The following LBH variants were observed in gnomAD, a reference collection of about 807,000 sequenced individuals.
LBH encodes protein LBH.
LBH carries 7 observed loss-of-function variants against 12.5 expected under a neutral mutation model. The observed-to-expected ratio is 0.56, with a 90% CI of 0.32 to 1.05. The LOEUF is 1.05. LBH is among the 50% of genes least tolerant of loss of function. The pLI is 0.04. For missense variants in LBH, 119 were observed against 138.9 expected, an observed-to-expected ratio of 0.86 and a Z score of 0.72; for synonymous variants, 51 against 50.1, an observed-to-expected ratio of 1.02 and a Z score of -0.08.
At chr2:30,246,847 C>T (rs773290641) in intron 2 of LBH, among the ~76,000 whole-genome samples, 6 of 132,884 alleles carry the variant, frequency 4.5e-5, no homozygotes, top group Non-Finnish European at 9.6e-5. Context: ...TTTCTTTCAG[C>T]GTTTTGCTCT....
intron 2 of LBH, among the ~76,000 whole-genome samples, chr2:30,249,339 A>T (rs113494902): frequency 9.2e-4 from 140 of 152,370 alleles, no homozygotes; most frequent in African/African-American, 3.3e-3. Context: ...CTGCTTGTTC[A>T]TTCATCCCTT....
chr2:30,233,934 G>C (rs1677636303), intron 1 of LBH, among the ~76,000 whole-genome samples: 1 of 152,150 alleles, frequency 6.6e-6, no homozygotes, highest in South Asian at 2.1e-4. Context: ...CCCTCCAGTT[G>C]ACCTGTTATT....
At position 30,244,162 on chromosome 2, in the gene LBH, C is replaced by T. The variant is rs1392084147; in HGVS notation, c.129+9655C>T. Among the ~76,000 whole-genome samples the T allele has an allele frequency of 2.6e-5, 4 of 152,110 alleles. No homozygotes were observed. In the East Asian group the frequency reaches 7.7e-4, roughly 29 times the overall value. On this transcript the variant is annotated intron_variant, in intron 2 of 2. Coordinates refer to ENST00000395323, the MANE Select transcript of LBH (RefSeq NM_030915.4). ...GGTGATATCACAAGGCTGACACATA[C>T]CAGCTTACATGAGTGTGAAATTCCA...
chr2:30,239,389 T>C (rs1051171896), intron 2 of LBH, among the ~76,000 whole-genome samples: 1 of 152,170 alleles, frequency 6.6e-6, no homozygotes, highest in Non-Finnish European at 1.5e-5. Context: ...ATCCACTCTA[T>C]CCGCCTCCTC....
Position 30,239,287 on chromosome 2 carries a change from T to C in LBH, c.129+4780T>C, listed in dbSNP as rs368660617. On this transcript the variant is annotated intron_variant, in intron 2 of 2. Coordinates refer to ENST00000395323, the MANE Select transcript of LBH (RefSeq NM_030915.4). ...GTTCCACCTGGGTGGAATGCGTGTGTGGAAACAGGTGACGGGTTAAGCCCT... is the reference window on the plus strand; with the variant it reads ...GTTCCACCTGGGTGGAATGCGTGTGCGGAAACAGGTGACGGGTTAAGCCCT... Among the ~76,000 whole-genome samples the C allele has an allele frequency of 6.4e-4, 97 of 152,332 alleles. 2 individuals are homozygous for C. The South Asian group carries it at 0.017, about 26-fold the overall frequency.
At chr2:30,236,132 T>C (rs1677686162) in intron 2 of LBH, among the ~76,000 whole-genome samples, 1 of 152,240 alleles carries the variant, frequency 6.6e-6, no homozygotes, top group Non-Finnish European at 1.5e-5. Flanking sequence ...CACAGAACCT[T>C]TCCAAATGCA....
intron 2 of LBH, among the ~76,000 whole-genome samples, chr2:30,253,178 G>A (rs1678016124): frequency 6.6e-6 from 1 of 152,176 alleles, no homozygotes; most frequent in African/African-American, 2.4e-5. Flanking sequence ...AATTGCAGTT[G>A]CAACCTCTCA....
chr2:30,246,791 TC>T (rs746865594), intron 2 of LBH, among the ~76,000 whole-genome samples: 29 of 149,314 alleles, frequency 1.9e-4, no homozygotes, highest in South Asian at 4.3e-4. Context: ...TCTTTTTCTT[TC>T]CTTCCTCACT....
At chr2:30,233,649 A>T (rs1215176521) in intron 1 of LBH, among the ~76,000 whole-genome samples, 3 of 152,236 alleles carry the variant, frequency 2.0e-5, no homozygotes, top group Non-Finnish European at 4.4e-5. Context: ...TAGAGAGTAC[A>T]AGGCACTTTC....
intron 2 of LBH, among the ~76,000 whole-genome samples, chr2:30,243,053 C>T (rs1677815690): frequency 1.3e-5 from 2 of 152,186 alleles, no homozygotes; most frequent in Admixed American, 6.5e-5. Context: ...CAGGGTAGAA[C>T]ATCTATAAAG....
At chr2:30,250,311 T>C (rs59693338) in intron 2 of LBH, among the ~76,000 whole-genome samples, 33,322 of 151,608 alleles carry the variant, frequency 0.22, 4,100 homozygotes, top group Admixed American at 0.29. Context: ...TCTTTCCACC[T>C]TTGCAAAAAA....
Position 30,234,213 on chromosome 2 carries a change from G to A in LBH, c.27-192G>A, listed in dbSNP as rs542345882. On this transcript the variant is annotated intron_variant, in intron 1 of 2. Coordinates refer to ENST00000395323, the MANE Select transcript of LBH (RefSeq NM_030915.4). ...GCAGACAATGGGCTTTGTCTGTTGCGGCTGAGCCCTGGGGCTGTGGGCTTG... is the reference window on the plus strand; with the variant it reads ...GCAGACAATGGGCTTTGTCTGTTGCAGCTGAGCCCTGGGGCTGTGGGCTTG... 1.0e-3 allele frequency: 582 copies of A among 575,786 alleles called. 9 individuals are homozygous for A. The highest frequency in any genetic ancestry group is 1.0e-2 in the South Asian group (479 of 48,010). The allele number at this position is 575,786 out of a possible 1,614,324, so 35.7% of individuals were successfully genotyped here. A position where few individuals can be genotyped will look rare whatever the true frequency, so the allele number is the denominator to read the frequency against.
In LBH at chr2:30,257,602, A is replaced by G; in HGVS notation, c.299A>G (p.Lys100Arg). Residue 100 changes from lysine to arginine, a missense_variant, in exon 3 of 3, where the codon AAA becomes AGA. By Grantham distance (26) the Lys-to-Arg change is conservative (BLOSUM62 2). Coordinates refer to ENST00000395323, the MANE Select transcript of LBH (RefSeq NM_030915.4). The part of the protein sequence containing the change: ...DEQDNCEETA[K>R]ENKEQ Reference sequence around the variant, plus strand: ...CAAGATAACTGCGAAGAGACAGCGAAAGAAAATAAAGAGCAGTAGAGTCCC... The same window carrying G: ...CAAGATAACTGCGAAGAGACAGCGAGAGAAAATAAAGAGCAGTAGAGTCCC... The G allele has an allele frequency of 1.9e-6, 3 of 1,612,662 alleles. No homozygotes were observed. The South Asian group carries it at 3.3e-5, about 18-fold the overall frequency.
At chr2:30,253,222 CTT>C (rs1276879902) in intron 2 of LBH, among the ~76,000 whole-genome samples, 1 of 152,160 alleles carries the variant, frequency 6.6e-6, no homozygotes, top group East Asian at 1.9e-4. Context: ...AAAAGCATGA[CTT>C]AGTGGAAAAA....
rs1313301508 is a variant in LBH at position 30,231,731 on chromosome 2, A to G, written c.-8A>G. 1.3e-6 allele frequency: 2 copies of G among 1,588,570 alleles called. No individual in the cohort carries two copies. The highest frequency in any genetic ancestry group is 1.4e-5 in the African/African-American group (1 of 72,632). On this transcript the variant is annotated 5_prime_UTR_variant, in exon 1 of 3. Coordinates refer to ENST00000395323, the MANE Select transcript of LBH (RefSeq NM_030915.4). ...ACAGGGGCGTGTGTCAGCCTGCCCT[A>G]GGACTTCATGTCTATATATTTCCCC...
At chr2:30,231,847 T>TGCGAGGGCAGCCGGCG (rs1310773172) in intron 1 of LBH, 83 bp downstream of exon 1, 22 of 1,261,400 alleles carry the variant, frequency 1.7e-5, no homozygotes, top group Non-Finnish European at 2.2e-5. Flanking sequence ...CGGCTCCGGG[T>TGCGAGGGCAGCCGGCG]GCGAGGGCAG....
At chr2:30,234,166 A>G in intron 1 of LBH, 2 of 513,186 alleles carry the variant, frequency 3.9e-6, no homozygotes, top group East Asian at 6.5e-5. Context: ...GAGAGGAGGG[A>G]AGAGGTTTGC....
chr2:30,245,305 A>G (rs1677852744), intron 2 of LBH, among the ~76,000 whole-genome samples: 3 of 152,224 alleles, frequency 2.0e-5, no homozygotes, highest in Admixed American at 6.5e-5. Flanking sequence ...CATTTAGTAC[A>G]TTTAAAAGAG....
At chr2:30,234,870 C>G (rs924423820) in intron 2 of LBH, among the ~76,000 whole-genome samples, 1 of 152,140 alleles carries the variant, frequency 6.6e-6, no homozygotes, top group Non-Finnish European at 1.5e-5. Flanking sequence ...CGATTGAGAC[C>G]AGAACTTTCC....
Sources: gnomAD v4.1 joint callset for allele counts (sites outside exome capture counted in the v4.1 genomes callset) on GRCh38, gnomAD v4.1.1 for gene constraint, MANE v1.5 for transcripts, NCBI Gene and HGNC (gene_info 2026-07-23, HGNC 2026-07-21) for gene names.